Variants in APOLD1 observed in about 807,000 individuals in gnomAD.
APOLD1 encodes apolipoprotein L domain-containing protein 1.
A neutral mutation model predicts 15.3 loss-of-function variants in APOLD1; 22 were observed. The ratio of observed to expected loss-of-function variants is 1.44; its 90% CI spans 1.03 to 2.05. APOLD1 has a LOEUF of 2.05. APOLD1 is among the 30% of genes most tolerant of loss of function. The pLI is 0.00. For missense variants in APOLD1, 394 were observed against 353.5 expected (o/e 1.11, Z -0.92); for synonymous variants, 190 against 167.4 (o/e 1.13, Z -1.04).
At chr12:12,776,662 A>G (rs1947036153) in intron 1 of APOLD1, among the ~76,000 whole-genome samples, 1 of 152,262 alleles carries the variant, frequency 6.6e-6, no homozygotes, top group Non-Finnish European at 1.5e-5. Flanking sequence ...AGCCTGGGAC[A>G]GTTAAAGAGT....
intron 1 of APOLD1, among the ~76,000 whole-genome samples, chr12:12,746,940 A>G (rs924631818): frequency 7.2e-5 from 11 of 152,198 alleles, no homozygotes; most frequent in African/African-American, 2.7e-4. Flanking sequence ...AATGGTCCCC[A>G]GCTACACCAA....
upstream of APOLD1, among the ~76,000 whole-genome samples, chr12:12,783,476 G>GT (rs200328379): frequency 6.8e-4 from 103 of 150,908 alleles, no homozygotes; most frequent in African/African-American, 1.7e-3. Flanking sequence ...ACACACAGCT[G>GT]TTTTTTTTGT....
At chr12:12,754,216 A>AAAAAAAAAAAAAGG (rs1946837993) in intron 1 of APOLD1, among the ~76,000 whole-genome samples, 1 of 149,990 alleles carries the variant, frequency 6.7e-6, no homozygotes, top group East Asian at 2.0e-4. Context: ...AAAAAAAGGA[A>AAAAAAAAAAAAAGG]AAAGAAAAAA....
chr12:12,786,615 C>A, intron 1 of APOLD1: 1 of 975,542 alleles, frequency 1.0e-6, no homozygotes. Flanking sequence ...TTATTTAACA[C>A]ATAGCTGATG....
chr12:12,786,452 A>T (rs1476028599), intron 1 of APOLD1, among the ~76,000 whole-genome samples: 1 of 152,090 alleles, frequency 6.6e-6, no homozygotes, highest in Non-Finnish European at 1.5e-5. Flanking sequence ...GAGAGAGAAA[A>T]GTGTGTTGCA....
At chr12:12,732,500 G>A (rs560751626) in intron 1 of APOLD1, among the ~76,000 whole-genome samples, 1 of 152,190 alleles carries the variant, frequency 6.6e-6, no homozygotes, top group East Asian at 1.9e-4. Context: ...TGAGGCGAGA[G>A]GATCACTTGA....
At chr12:12,749,446 C>A (rs1946790636) in intron 1 of APOLD1, among the ~76,000 whole-genome samples, 1 of 152,168 alleles carries the variant, frequency 6.6e-6, no homozygotes, top group South Asian at 2.1e-4. Flanking sequence ...AAACCCCCAC[C>A]TTTTCTGCCC....
intron 1 of APOLD1, among the ~76,000 whole-genome samples, chr12:12,759,503 A>G (rs2136384930): frequency 6.6e-6 from 1 of 152,332 alleles, no homozygotes; most frequent in Admixed American, 6.5e-5. Context: ...AAATATGTTG[A>G]TGGAAATAAG....
chr12:12,729,542 G>T (rs1946620506), intron 1 of APOLD1, among the ~76,000 whole-genome samples: 1 of 151,996 alleles, frequency 6.6e-6, no homozygotes. Flanking sequence ...TTACAGTTGT[G>T]AGCCACTGTG....
chr12:12,769,874 C>G (rs969417090), intron 1 of APOLD1, among the ~76,000 whole-genome samples: 1 of 152,184 alleles, frequency 6.6e-6, no homozygotes, highest in Non-Finnish European at 1.5e-5. Flanking sequence ...CTGTAGAATG[C>G]TTCCTTTCCC....
upstream of APOLD1, among the ~76,000 whole-genome samples, chr12:12,785,332 G>A (rs985229378): frequency 2.0e-5 from 3 of 152,144 alleles, no homozygotes; most frequent in Admixed American, 6.5e-5. Context: ...CCTGGGGTGC[G>A]TTTGAAGGCC....
At chr12:12,736,371 A>G (rs1946686020) in intron 1 of APOLD1, among the ~76,000 whole-genome samples, 1 of 31,850 alleles carries the variant, frequency 3.1e-5, no homozygotes, top group Non-Finnish European at 7.0e-5. Context: ...AAAACAAAAC[A>G]AAAAAACTAG....
At chr12:12,753,728 A>G (rs1279422893) in intron 1 of APOLD1, among the ~76,000 whole-genome samples, 1 of 152,194 alleles carries the variant, frequency 6.6e-6, no homozygotes, top group African/African-American at 2.4e-5. Flanking sequence ...GTGCATTTAA[A>G]TAATTCGAAG....
chr12:12,784,774 A>G (rs1278829259), upstream of APOLD1, among the ~76,000 whole-genome samples: 1 of 152,162 alleles, frequency 6.6e-6, no homozygotes, highest in African/African-American at 2.4e-5. Flanking sequence ...TGCCCCAGAG[A>G]TATCTATGTT....
chr12:12,785,942 C>T (rs1947120605), intron 1 of APOLD1, among the ~76,000 whole-genome samples: 1 of 152,126 alleles, frequency 6.6e-6, no homozygotes, highest in Admixed American at 6.5e-5. Context: ...TTTTGAAATG[C>T]TCTATTTCTA....
chr12:12,787,814 T>C lies in APOLD1; in HGVS notation c.*162T>C, dbSNP rs916209392. Reference sequence around the variant, plus strand: ...GGGCAGGTCCCCAAAGCCCTTCTTTTCCCATCACTGTGACATCTGCCTGGG... The same window carrying C: ...GGGCAGGTCCCCAAAGCCCTTCTTTCCCCATCACTGTGACATCTGCCTGGG... On this transcript the variant is annotated 3_prime_UTR_variant, in exon 2 of 2. Coordinates refer to ENST00000356591, the MANE Select transcript of APOLD1 (RefSeq NM_030817.3). The surrounding 1 kb of genome is among the most constrained non-coding windows in gnomAD (Gnocchi z 4.9). 6.8e-5 allele frequency: 69 copies of C among 1,008,714 alleles called. No homozygotes were observed. The highest frequency in any genetic ancestry group is 9.3e-5 in the Non-Finnish European group (66 of 711,424). 62.5% of individuals were successfully genotyped at this position (1,008,714 alleles called of 1,614,324 possible).
intron 1 of APOLD1, among the ~76,000 whole-genome samples, chr12:12,750,744 T>G (rs1339996050): frequency 2.6e-5 from 4 of 152,028 alleles, no homozygotes; most frequent in Non-Finnish European, 5.9e-5. Flanking sequence ...AAAATGGAGT[T>G]AAGCCTTGGA....
chr12:12,729,574 C>T (rs6488548), intron 1 of APOLD1, among the ~76,000 whole-genome samples: 1 of 151,548 alleles, frequency 6.6e-6, no homozygotes, highest in Non-Finnish European at 1.5e-5. Context: ...GGAGCTCTTG[C>T]GGCCAGGATT....
intron 1 of APOLD1, among the ~76,000 whole-genome samples, chr12:12,736,365 C>A (rs1308314071): frequency 1.0e-5 from 1 of 96,482 alleles, no homozygotes; most frequent in African/African-American, 4.0e-5. Context: ...AAAAACAAAA[C>A]AAAACAAAAA....
Sources: gnomAD v4.1 joint callset for allele counts (sites outside exome capture counted in the v4.1 genomes callset) on GRCh38, gnomAD v4.1.1 for gene constraint, Gnocchi (gnomAD v3.1) non-coding constraint, MANE v1.5 for transcripts, NCBI Gene and HGNC (gene_info 2026-07-23, HGNC 2026-07-21) for gene names.